The following SMCHD1 variants were observed in gnomAD, a reference collection of about 807,000 sequenced individuals.
The protein encoded by SMCHD1 is structural maintenance of chromosomes flexible hinge domain containing 1, also known as structural maintenance of chromosomes flexible hinge domain-containing protein 1.
In SMCHD1, 78 loss-of-function variants were observed where a neutral mutation model predicts 254.7. The observed-to-expected ratio is 0.31, with a 90% CI of 0.26 to 0.37. SMCHD1 has a LOEUF of 0.37. Among genes scored for constraint, SMCHD1 ranks in the 10% least tolerant of loss-of-function variants. The pLI is 1.00. For synonymous variants in SMCHD1, 766 were observed against 794.9 expected, an observed-to-expected ratio of 0.96 and a Z score of 0.61; for missense variants, 1,840 against 2,408.1, an observed-to-expected ratio of 0.76 and a Z score of 4.94.
At chr18:2,759,992 G>A (rs1310676731) in intron 34 of SMCHD1, among the ~76,000 whole-genome samples, 1 of 152,198 alleles carries the variant, frequency 6.6e-6, no homozygotes, top group Non-Finnish European at 1.5e-5. Flanking sequence ...TTGAATTCAA[G>A]TATGTATTCA....
chr18:2,657,978 T>C (rs999240452), intron 1 of SMCHD1, among the ~76,000 whole-genome samples: 4 of 151,664 alleles, frequency 2.6e-5, no homozygotes, highest in African/African-American at 9.7e-5. Context: ...TTTTCGTACA[T>C]ACGGGGGTTT....
chr18:2,657,384 G>T (rs1179866876), intron 1 of SMCHD1, among the ~76,000 whole-genome samples: 1 of 152,202 alleles, frequency 6.6e-6, no homozygotes, highest in African/African-American at 2.4e-5. Context: ...TTAATTCTGT[G>T]CCTGAACGTA....
intron 27 of SMCHD1, among the ~76,000 whole-genome samples, 182 bp downstream of exon 27, chr18:2,739,702 G>A (rs1276225189): frequency 2.6e-5 from 4 of 152,110 alleles, no homozygotes; most frequent in Non-Finnish European, 5.9e-5. Flanking sequence ...GGCTGACATA[G>A]CTTTAAAATC....
intron 5 of SMCHD1, among the ~76,000 whole-genome samples, chr18:2,678,097 C>T (rs570338372): frequency 1.8e-4 from 27 of 152,250 alleles, no homozygotes; most frequent in African/African-American, 6.3e-4. Context: ...TAAATGTGAT[C>T]GTTATACATT....
At chr18:2,719,257 C>CCT (rs1248891827) in intron 19 of SMCHD1, among the ~76,000 whole-genome samples, 3 of 150,250 alleles carry the variant, frequency 2.0e-5, no homozygotes, top group African/African-American at 7.4e-5. Flanking sequence ...TCTCTCCTCT[C>CCT]CTCTCCTCTC....
At chr18:2,699,649 C>G (rs1411697244) in intron 10 of SMCHD1, among the ~76,000 whole-genome samples, 1 of 152,182 alleles carries the variant, frequency 6.6e-6, no homozygotes, top group Non-Finnish European at 1.5e-5. Flanking sequence ...CATCTCTGAC[C>G]TCTTAAATTT....
chr18:2,699,234 A>G (rs962310775), intron 10 of SMCHD1, among the ~76,000 whole-genome samples: 2 of 152,096 alleles, frequency 1.3e-5, no homozygotes, highest in African/African-American at 4.8e-5. Context: ...GTGAAGATCA[A>G]ATTTAAAAAC....
intron 37 of SMCHD1, among the ~76,000 whole-genome samples, chr18:2,764,894 A>C (rs1412050948): frequency 6.6e-6 from 1 of 152,192 alleles, no homozygotes; most frequent in African/African-American, 2.4e-5. Flanking sequence ...CTAGAAGCAG[A>C]ATGCGTTAGA....
chr18:2,762,413 A>G (rs965503242), intron 36 of SMCHD1, among the ~76,000 whole-genome samples, 177 bp downstream of exon 36: 5 of 152,136 alleles, frequency 3.3e-5, no homozygotes, highest in Non-Finnish European at 5.9e-5. Context: ...CAAATAGAGA[A>G]TATATAACAT....
At position 2,706,480 on chromosome 18, in the gene SMCHD1, A is replaced by G; in HGVS notation, c.2063+10A>G. The G allele has an allele frequency of 6.5e-7, 1 of 1,543,246 alleles. No homozygotes were observed. The highest frequency in any genetic ancestry group is 8.8e-7 in the Non-Finnish European group (1 of 1,132,492). On this transcript the variant is annotated intron_variant, in intron 15 of 47. Transcript: ENST00000320876. The stretch of plus-strand genomic sequence containing the variant: ...AAGATGAAATGGCAAGGTAAGTCAC[A>G]CTTCAAGATGCATGACAAAAATAAG...
chr18:2,761,874 A>G (rs2075791911), intron 35 of SMCHD1, among the ~76,000 whole-genome samples: 1 of 152,184 alleles, frequency 6.6e-6, no homozygotes, highest in African/African-American at 2.4e-5. Flanking sequence ...GTTTTTTAAT[A>G]CCTCTAAGTT....
intron 34 of SMCHD1, among the ~76,000 whole-genome samples, chr18:2,757,873 C>T (rs1443259417): frequency 6.6e-6 from 1 of 152,064 alleles, no homozygotes; most frequent in African/African-American, 2.4e-5. Context: ...TACATACAGA[C>T]TTAGATTATT....
At chr18:2,778,325 G>A in intron 44 of SMCHD1, 86 bp downstream of exon 44, 1 of 950,362 alleles carries the variant, frequency 1.1e-6, no homozygotes, top group Non-Finnish European at 1.5e-6. Flanking sequence ...CAAACGACTA[G>A]CCTTTTCAAA....
At chr18:2,732,601 G>T in intron 25 of SMCHD1, 109 bp downstream of exon 25, 1 of 663,804 alleles carries the variant, frequency 1.5e-6, no homozygotes, top group Non-Finnish European at 2.5e-6. Context: ...GCTTGTCACA[G>T]AAAAGTTATA....
chr18:2,785,647 C>CT (rs1187504021), intron 45 of SMCHD1, among the ~76,000 whole-genome samples: 1 of 12,668 alleles, frequency 7.9e-5, no homozygotes, highest in Non-Finnish European at 1.6e-4. Flanking sequence ...GACTCTGTCT[C>CT]AAAAAAAAAA....
rs546993336 is a variant in SMCHD1, at chr18:2,738,764, G to T, written c.3425+219G>T. On this transcript the variant is annotated intron_variant, in intron 26 of 47. Transcript: ENST00000320876. The stretch of plus-strand genomic sequence containing the variant: ...CTAGTAGCTGGAACCTTCATTAAAG[G>T]AAAGTTTAGTGCCAGTAACAGTGAA... Among the ~76,000 whole-genome samples the T allele has an allele frequency of 3.9e-3, 587 of 152,250 alleles. 3 individuals are homozygous for T. Among genetic ancestry groups the T allele is most frequent in the Non-Finnish European group, 5.9e-3 (401 of 68,014 alleles).
intron 5 of SMCHD1, among the ~76,000 whole-genome samples, chr18:2,684,475 T>G (rs914808186): frequency 1.3e-5 from 2 of 152,182 alleles, no homozygotes; most frequent in African/African-American, 4.8e-5. Context: ...TCCAACCTCT[T>G]AACCTATTGT....
chr18:2,727,706 A>G (rs1383551423), intron 22 of SMCHD1, among the ~76,000 whole-genome samples: 1 of 152,076 alleles, frequency 6.6e-6, no homozygotes, highest in Non-Finnish European at 1.5e-5. Flanking sequence ...GGGGATGATG[A>G]TAATAGTAAC....
chr18:2,705,975 CA>C (rs1295524322), intron 14 of SMCHD1, among the ~76,000 whole-genome samples, 168 bp downstream of exon 14: 1 of 152,092 alleles, frequency 6.6e-6, no homozygotes, highest in Non-Finnish European at 1.5e-5. Context: ...ATAATCTATA[CA>C]ATTTAACATC....
Sources: gnomAD v4.1 joint callset for allele counts (sites outside exome capture counted in the v4.1 genomes callset) on GRCh38, gnomAD v4.1.1 for gene constraint, MANE v1.5 for transcripts, NCBI Gene and HGNC (gene_info 2026-07-23, HGNC 2026-07-21) for gene names.